ST7: variants seen among roughly 807,000 people sequenced by gnomAD.
ST7 encodes the protein suppressor of tumorigenicity 7 protein.
Under a neutral mutation model 78.7 loss-of-function variants are expected in ST7, and 28 were observed. That is an observed-to-expected ratio of 0.36 (90% confidence interval 0.26 to 0.49). The LOEUF (loss-of-function observed/expected upper bound fraction) is 0.49. Among genes scored for constraint, ST7 ranks in the 20% least tolerant of loss-of-function variants. ST7 has a pLI of 0.99. For missense variants in ST7, 418 were observed against 696.0 expected, an observed-to-expected ratio of 0.60 and a Z score of 4.49; for synonymous variants, 247 against 249.6, an observed-to-expected ratio of 0.99 and a Z score of 0.10.
intron 1 of ST7, among the ~76,000 whole-genome samples, chr7:117,046,202 C>T (rs1797484632): frequency 6.6e-6 from 1 of 151,898 alleles, no homozygotes; most frequent in Admixed American, 6.6e-5. Flanking sequence ...TCTAACAGCT[C>T]CACCATCACC....
At chr7:117,182,317 G>A (rs571884136) in intron 10 of ST7, among the ~76,000 whole-genome samples, 2 of 152,284 alleles carry the variant, frequency 1.3e-5, no homozygotes, top group East Asian at 1.9e-4. Context: ...CCTTTAGTAA[G>A]TGTTGGCAGT....
At chr7:116,995,272 C>T (rs1007953005) in intron 1 of ST7, among the ~76,000 whole-genome samples, 5 of 152,124 alleles carry the variant, frequency 3.3e-5, no homozygotes, top group African/African-American at 1.2e-4. Context: ...AATCTCTATG[C>T]CTTTGCCCTT....
rs536144993 is a variant in ST7, at chr7:117,002,629, G to T, written c.151+48938G>T. Among the ~76,000 whole-genome samples the T allele has an allele frequency of 2.2e-4, 28 of 130,134 alleles. No individual in the cohort carries two copies. The South Asian group carries it at 7.4e-3, about 34-fold the overall frequency. The allele number at this position is 130,134 out of a possible 152,430, so 85.4% of individuals were successfully genotyped here. On this transcript the variant is annotated intron_variant, in intron 1 of 15. Coordinates refer to ENST00000323984, the MANE Select transcript of ST7 (RefSeq NM_001369598.1). ...AATCTCTGGTAACCTCCTAAGGATTGTAGTTGAGGCTGTGTGTGTGTGTGT... is the reference window on the plus strand; with the variant it reads ...AATCTCTGGTAACCTCCTAAGGATTTTAGTTGAGGCTGTGTGTGTGTGTGT...
At chr7:117,185,752 G>A (rs1438870416) in intron 10 of ST7, among the ~76,000 whole-genome samples, 2 of 152,018 alleles carry the variant, frequency 1.3e-5, no homozygotes, top group South Asian at 4.2e-4. Flanking sequence ...GTGAAACCCT[G>A]TCTCTACTAA....
intron 3 of ST7, 85 bp from the exon 4 acceptor site, chr7:117,129,708 G>A: frequency 9.8e-7 from 1 of 1,019,034 alleles, no homozygotes. Context: ...CTTATCAAAT[G>A]GCAGGAAGGG....
intron 1 of ST7, among the ~76,000 whole-genome samples, chr7:116,990,010 G>A (rs191863407): frequency 3.5e-4 from 54 of 152,156 alleles, no homozygotes; most frequent in African/African-American, 1.2e-3. Context: ...GCACGATCTC[G>A]GCTCACTGCA....
chr7:117,015,900 T>C (rs1795591929), intron 1 of ST7, among the ~76,000 whole-genome samples: 1 of 152,226 alleles, frequency 6.6e-6, no homozygotes, highest in Non-Finnish European at 1.5e-5. Flanking sequence ...ATACCCAGTG[T>C]AATATAAATT....
At chr7:117,027,153 A>C (rs544045596) in intron 1 of ST7, among the ~76,000 whole-genome samples, 1 of 152,342 alleles carries the variant, frequency 6.6e-6, no homozygotes, top group East Asian at 1.9e-4. Context: ...TACCAAATTA[A>C]GAATAAAGGG....
intron 1 of ST7, among the ~76,000 whole-genome samples, chr7:117,014,366 A>G (rs1216012874): frequency 6.6e-6 from 1 of 152,242 alleles, no homozygotes; most frequent in Non-Finnish European, 1.5e-5. Context: ...AGTGTGTCTC[A>G]GTAATGACCA....
At chr7:117,125,911 T>C (rs1803795963) in intron 3 of ST7, among the ~76,000 whole-genome samples, 1 of 151,910 alleles carries the variant, frequency 6.6e-6, no homozygotes, top group South Asian at 2.1e-4. Flanking sequence ...TGGATAAGAG[T>C]CGGGCAGTCT....
chr7:117,083,122 C>T (rs1262995456), intron 1 of ST7, among the ~76,000 whole-genome samples: 2 of 152,080 alleles, frequency 1.3e-5, no homozygotes, highest in African/African-American at 4.8e-5. Flanking sequence ...TGCAATGGCA[C>T]GATCTTGGCT....
At chr7:116,968,487 G>A in intron 1 of ST7, 1 of 441,352 alleles carries the variant, frequency 2.3e-6, no homozygotes, top group Non-Finnish European at 4.6e-6. Flanking sequence ...GACTACGGGT[G>A]TGCGCCACCA....
At chr7:117,030,605 A>G (rs10265129) in intron 1 of ST7, among the ~76,000 whole-genome samples, 18,790 of 152,240 alleles carry the variant, frequency 0.12, 1,340 homozygotes, top group East Asian at 0.3. Flanking sequence ...ATCACTAATC[A>G]TTAGAGAAAT....
At chr7:117,073,112 G>C (rs932217011) in intron 1 of ST7, 5 of 152,080 alleles carry the variant, frequency 3.3e-5, no homozygotes, top group Non-Finnish European at 7.4e-5. Context: ...AGACTGACAG[G>C]GGGTATTAAG....
chr7:117,043,864 T>G (rs1797355554), intron 1 of ST7, among the ~76,000 whole-genome samples: 1 of 152,264 alleles, frequency 6.6e-6, no homozygotes, highest in African/African-American at 2.4e-5. Flanking sequence ...CAGTTGAGTA[T>G]TAATGCCTGT....
At chr7:117,129,939 T>G in intron 4 of ST7, 92 bp downstream of exon 4, 1 of 958,376 alleles carries the variant, frequency 1.0e-6, no homozygotes, top group Non-Finnish European at 1.6e-6. Context: ...TAGGGGTCAT[T>G]GTAACAGTCT....
At chr7:117,103,401 A>C (rs543127849) in intron 2 of ST7, among the ~76,000 whole-genome samples, 9 of 152,372 alleles carry the variant, frequency 5.9e-5, no homozygotes, top group South Asian at 2.1e-4. Context: ...GCATAAAAAC[A>C]GACACATAGC....
At position 117,189,349 on chromosome 7, in the gene ST7, A is replaced by G; in HGVS notation, c.1107A>G (p.Ile369Met). 1 of 1,609,704 alleles carries G rather than the reference A, an allele frequency of 6.2e-7. No homozygotes were observed. ...DDISLPKSAT[I>M]CYTAALLKAR... ...TAAGCTTACCAAAGTCAGCAACAAT[A>G]TGCTACACAGCTGCTTTGCTCAAAG... The change falls in exon 11 of 16, where the codon ATA (isoleucine) becomes ATG (methionine). Residue 369 changes from isoleucine (I) to methionine (M), a missense_variant. Transcript: ENST00000323984.
At chr7:117,096,766 C>T (rs1801076611) in intron 1 of ST7, among the ~76,000 whole-genome samples, 1 of 152,140 alleles carries the variant, frequency 6.6e-6, no homozygotes, top group African/African-American at 2.4e-5. Context: ...CCACAATTGC[C>T]ACATGCCATG....
Sources: gnomAD v4.1 joint callset for allele counts (sites outside exome capture counted in the v4.1 genomes callset) on GRCh38, gnomAD v4.1.1 for gene constraint, MANE v1.5 for transcripts, NCBI Gene and HGNC (gene_info 2026-07-23, HGNC 2026-07-21) for gene names.